Variants in GSTCD observed in about 807,000 individuals in gnomAD.
The protein encoded by GSTCD is glutathione S-transferase C-terminal domain-containing protein.
GSTCD carries 44 observed loss-of-function variants against 68.3 expected under a neutral mutation model. The observed-to-expected ratio is 0.64, with a 90% CI of 0.51 to 0.83. GSTCD has a LOEUF of 0.83. Among genes scored for constraint, GSTCD ranks in the 40% least tolerant of loss-of-function variants. GSTCD has a pLI of 0.00. For missense variants in GSTCD, 739 were observed against 735.9 expected, an observed-to-expected ratio of 1.00 and a Z score of -0.05; for synonymous variants, 273 against 255.2, an observed-to-expected ratio of 1.07 and a Z score of -0.67.
At chr4:105,730,173 T>A (rs1222509332) in intron 5 of GSTCD, among the ~76,000 whole-genome samples, 1 of 152,236 alleles carries the variant, frequency 6.6e-6, no homozygotes, top group Non-Finnish European at 1.5e-5. Context: ...TCCAAGTCTT[T>A]GCTATTGTGA....
At chr4:105,800,120 G>A (rs1187668765) in intron 5 of GSTCD, among the ~76,000 whole-genome samples, 2 of 152,098 alleles carry the variant, frequency 1.3e-5, no homozygotes, top group African/African-American at 4.8e-5. Flanking sequence ...CCCGAGACTG[G>A]GCAATTTACA....
intron 5 of GSTCD, among the ~76,000 whole-genome samples, chr4:105,783,646 A>G (rs1014285239): frequency 1.3e-5 from 2 of 152,158 alleles, no homozygotes; most frequent in African/African-American, 4.8e-5. Flanking sequence ...GCACCCGTTT[A>G]ACCCTTACAT....
chr4:105,714,317 C>T (rs1259376617), intron 1 of GSTCD, among the ~76,000 whole-genome samples: 8 of 152,050 alleles, frequency 5.3e-5, no homozygotes, highest in Admixed American at 3.3e-4. Context: ...CTGTGCTTGG[C>T]AGGAATGTAA....
chr4:105,832,474 T>C (rs1273052741), intron 8 of GSTCD, among the ~76,000 whole-genome samples: 1 of 152,208 alleles, frequency 6.6e-6, no homozygotes, highest in African/African-American at 2.4e-5. Flanking sequence ...GCATGTAGTG[T>C]AAGGAATGTG....
chr4:105,801,778 T>G (rs1736114758), intron 5 of GSTCD, among the ~76,000 whole-genome samples: 1 of 151,976 alleles, frequency 6.6e-6, no homozygotes, highest in African/African-American at 2.4e-5. Context: ...TTTAGAAAAA[T>G]TATCTGCACC....
chr4:105,839,565 G>T (rs1724254569), intron 10 of GSTCD, among the ~76,000 whole-genome samples: 2 of 152,192 alleles, frequency 1.3e-5, no homozygotes, highest in Non-Finnish European at 2.9e-5. Context: ...AGATCAGGAG[G>T]CAGAGGTTGC....
chr4:105,839,900 T>C (rs1412586248), intron 10 of GSTCD, among the ~76,000 whole-genome samples: 2 of 152,130 alleles, frequency 1.3e-5, no homozygotes, highest in East Asian at 3.9e-4. Flanking sequence ...ACAGAGTCTT[T>C]CAGAAAGCAG....
chr4:105,721,765 T>C (rs896553103), intron 3 of GSTCD, among the ~76,000 whole-genome samples: 6 of 152,060 alleles, frequency 3.9e-5, no homozygotes, highest in Admixed American at 3.3e-4. Context: ...AGTTAACCCC[T>C]GATGGCTCAG....
chr4:105,799,872 A>G (rs2149261056), intron 5 of GSTCD, among the ~76,000 whole-genome samples: 1 of 152,280 alleles, frequency 6.6e-6, no homozygotes, highest in Admixed American at 6.5e-5. Context: ...AAGCACAATA[A>G]GAAAGAGGTA....
chr4:105,809,955 T>C (rs1207070220), intron 5 of GSTCD, among the ~76,000 whole-genome samples: 1 of 152,114 alleles, frequency 6.6e-6, no homozygotes, highest in Admixed American at 6.6e-5. Context: ...TGGATATGAT[T>C]CCTTAAAAGG....
intron 5 of GSTCD, among the ~76,000 whole-genome samples, chr4:105,803,766 T>C (rs1389006263): frequency 6.6e-6 from 1 of 151,692 alleles, no homozygotes; most frequent in East Asian, 1.9e-4. Flanking sequence ...GTATGAAAAA[T>C]GCAAGAATTA....
chr4:105,783,634 C>T (rs1373000464), intron 5 of GSTCD, among the ~76,000 whole-genome samples: 1 of 152,028 alleles, frequency 6.6e-6, no homozygotes, highest in Non-Finnish European at 1.5e-5. Flanking sequence ...GTTGTAGGCA[C>T]TGCACCCGTT....
chr4:105,779,232 G>T (rs553274194), intron 5 of GSTCD, among the ~76,000 whole-genome samples: 1 of 151,878 alleles, frequency 6.6e-6, no homozygotes, highest in Non-Finnish European at 1.5e-5. Context: ...GTCTTTCTTG[G>T]CCTTAACCTT....
chr4:105,789,039 T>G (rs548237435), intron 5 of GSTCD, among the ~76,000 whole-genome samples: 2 of 152,260 alleles, frequency 1.3e-5, no homozygotes, highest in Admixed American at 6.5e-5. Flanking sequence ...ATCTTGAACC[T>G]TATTTAAAAC....
intron 9 of GSTCD, among the ~76,000 whole-genome samples, chr4:105,836,023 C>G (rs1724104582): frequency 6.6e-6 from 1 of 151,916 alleles, no homozygotes; most frequent in African/African-American, 2.4e-5. Context: ...TCAGGCAGGT[C>G]ATCTCATCTC....
At chr4:105,767,673 GAA>G (rs1734672851) in intron 5 of GSTCD, among the ~76,000 whole-genome samples, 1 of 152,084 alleles carries the variant, frequency 6.6e-6, no homozygotes, top group South Asian at 2.1e-4. Context: ...CTCTCATATT[GAA>G]AAAAACAAAA....
At chr4:105,832,589 C>T (rs771070117) in intron 8 of GSTCD, among the ~76,000 whole-genome samples, 1 of 152,142 alleles carries the variant, frequency 6.6e-6, no homozygotes, top group Non-Finnish European at 1.5e-5. Flanking sequence ...TGGGGTCAGG[C>T]TTTGAGGTCA....
At chr4:105,744,670 G>A (rs1733742709) in intron 5 of GSTCD, among the ~76,000 whole-genome samples, 1 of 152,054 alleles carries the variant, frequency 6.6e-6, no homozygotes, top group Admixed American at 6.6e-5. Context: ...CCATTCTATG[G>A]CAACTTCCTT....
intron 1 of GSTCD, among the ~76,000 whole-genome samples, chr4:105,715,583 CTATATT>C: frequency 6.6e-6 from 1 of 151,698 alleles, no homozygotes; most frequent in Admixed American, 6.6e-5. Flanking sequence ...ACTTTACTGA[CTATATT>C]TATTTTTTAT....
Sources: gnomAD v4.1 joint callset for allele counts (sites outside exome capture counted in the v4.1 genomes callset) on GRCh38, gnomAD v4.1.1 for gene constraint, MANE v1.5 for transcripts, NCBI Gene and HGNC (gene_info 2026-07-23, HGNC 2026-07-21) for gene names.